Variants in ASMTL observed in about 807,000 individuals in gnomAD.
The protein encoded by ASMTL is acetylserotonin O-methyltransferase like.
In ASMTL, 57 loss-of-function variants were observed where a neutral mutation model predicts 60.3. The observed-to-expected ratio is 0.95, with a 90% confidence interval of 0.76 to 1.18. The LOEUF (loss-of-function observed/expected upper bound fraction) is 1.18, where lower values mean the gene tolerates loss of function less well. Among genes scored for constraint, ASMTL ranks in the 50% most tolerant of loss-of-function variants. The pLI is 0.00. For missense variants in ASMTL, 981 were observed against 852.6 expected, an observed-to-expected ratio of 1.15 and a Z score of -1.88; for synonymous variants, 419 against 373.0, an observed-to-expected ratio of 1.12 and a Z score of -1.42.
chrX:1,419,047 A>G lies in ASMTL; in HGVS notation c.1313T>C (p.Leu438Pro). Residue 438 changes from leucine to proline, a missense_variant, in exon 10 of 13, where the codon CTG (leucine) becomes CCG (proline). Physicochemically the swap from Leu to Pro is moderately conservative, Grantham distance 98. Transcript: ENST00000381317. ...FMRAMHGMTK[L>P]TACQVATAFN... ...GGCCGTGGCCACCTGGCACGCAGTCAGCTTCGTCATGCCGTGCATGGCCCG... is the reference window on the plus strand; with the variant it reads ...GGCCGTGGCCACCTGGCACGCAGTCGGCTTCGTCATGCCGTGCATGGCCCG... The G allele has an allele frequency of 1.2e-6, 2 of 1,611,600 alleles. No homozygotes were observed. Among genetic ancestry groups the G allele is most frequent in the African/African-American group, 2.7e-5 (2 of 75,004 alleles).
chrX:1,423,125 T>C (rs2090523953), intron 8 of ASMTL, among the ~76,000 whole-genome samples: 1 of 152,102 alleles, frequency 6.6e-6, no homozygotes, highest in African/African-American at 2.4e-5. Context: ...GCTAATTTTT[T>C]GTATTTTTAG....
rs1224240284 is a variant in ASMTL, at chrX:1,443,368, C to CGCCGCCATCGTGG, written c.94-1052_94-1051insCCACGATGGCGGC. Among the ~76,000 whole-genome samples the CGCCGCCATCGTGG allele has an allele frequency of 3.6e-3, 160 of 44,428 alleles. 29 individuals carry two copies. The highest frequency in any genetic ancestry group is 6.7e-3 in the African/African-American group (149 of 22,096). 29.1% of individuals were successfully genotyped at this position (44,428 alleles called of 152,430 possible). A position where few individuals can be genotyped will look rare whatever the true frequency, so the allele number is the denominator to read the frequency against. On this transcript the variant is annotated intron_variant, in intron 1 of 12. Coordinates refer to ENST00000381317, the MANE Select transcript of ASMTL (RefSeq NM_004192.4). ...GACAGACACCGCCATCTTGGACACA[C>CGCCGCCATCGTGG]ACCACCATCATGGACACACGCCGCC...
In ASMTL at chrX:1,404,226, G is replaced by A. The variant is rs749524205; in HGVS notation, c.1646-737C>T. On this transcript the variant is annotated intron_variant, in intron 12 of 12. Transcript: ENST00000381317. ...ATGGATGGGTGAATAGATGGTAGAT[G>A]ATGGGTAGGTAGGTAGATGAATGGA... is the stretch of plus-strand genomic sequence containing the variant. Among the ~76,000 whole-genome samples the A allele has an allele frequency of 1.3e-5, 2 of 149,648 alleles. 1 individual carries two copies. The highest frequency in any genetic ancestry group is 5.0e-5 in the African/African-American group (2 of 40,240).
At position 1,417,971 on chromosome X, in the gene ASMTL, A is replaced by G; in HGVS notation, c.1522+2T>C. The G allele has an allele frequency of 6.2e-7, 1 of 1,605,992 alleles. No homozygotes were observed. Among genetic ancestry groups the G allele is most frequent in the Non-Finnish European group, 8.5e-7 (1 of 1,174,656 alleles). On this transcript the variant is annotated splice_donor_variant, in intron 11 of 12. Transcript: ENST00000381317. LOFTEE classifies it high-confidence loss of function. ...AGCAGGGTGAACAGGAGGAGGGCTC[A>G]CCTGCTGCGAAGTGGATCTGCACTG...
rs375142477 is a variant in ASMTL, at chrX:1,427,812, C to T, written c.819G>A (p.Glu273=). 4.3e-6 allele frequency: 7 copies of T among 1,612,846 alleles called. No homozygotes were observed. Among genetic ancestry groups the T allele is most frequent in the South Asian group, 2.2e-5 (2 of 91,044 alleles). Residue 273 remains glutamate (E), a synonymous_variant, in exon 7 of 13, where the codon GAG becomes GAA. Transcript: ENST00000381317. The part of the protein sequence containing the change: ...GEAGQATAEA[E]CHRTRETLPP... ...GCAGGGTCTCCCGAGTCCTGTGACA[C>T]TCAGCCTCTGCCGTGGCCTGTCCCG...
At position 1,403,469 on chromosome X, in the gene ASMTL, C is replaced by T; in HGVS notation, c.1666G>A (p.Glu556Lys). 1 of 1,613,018 alleles carries T rather than the reference C, an allele frequency of 6.2e-7. No individual in the cohort carries two copies. Among genetic ancestry groups the T allele is most frequent in the Non-Finnish European group, 8.5e-7 (1 of 1,179,846 alleles). ...CTCTTCTCCTCATCCAGGAGCGTCT[C>T]CACCAGCAGCAGGCCGGCCCCTGAG... ...CKPGAGLLLV[E>K]TLLDEEKRVA... Residue 556 changes from glutamate (E) to lysine (K), a missense_variant, in exon 13 of 13, where the codon GAG becomes AAG. Transcript: ENST00000381317.
At chrX:1,410,643 A>C (rs751839262) in intron 12 of ASMTL, among the ~76,000 whole-genome samples, 37 of 151,926 alleles carry the variant, frequency 2.4e-4, no homozygotes, top group African/African-American at 8.7e-4. Context: ...CGAACTCCTG[A>C]CCTCGAGATC....
At chrX:1,430,510 C>G (rs1166359862) in intron 6 of ASMTL, among the ~76,000 whole-genome samples, 1 of 152,048 alleles carries the variant, frequency 6.6e-6, no homozygotes, top group African/African-American at 2.4e-5. Flanking sequence ...TGGTGCGTGT[C>G]CTGTGGTCCC....
Position 1,416,893 on chromosome X carries a change from A to G in ASMTL, c.1522+1080T>C, listed in dbSNP as rs750462422. ...TATCCACAGACACGCAGACACACATACCCTCAGAGACATACACACCACAGA... is the reference window on the plus strand; with the variant it reads ...TATCCACAGACACGCAGACACACATGCCCTCAGAGACATACACACCACAGA... On this transcript the variant is annotated intron_variant, in intron 11 of 12. Coordinates refer to ENST00000381317, the MANE Select transcript of ASMTL (RefSeq NM_004192.4). Among the ~76,000 whole-genome samples the G allele has an allele frequency of 2.0e-5, 3 of 151,058 alleles. No individual in the cohort carries two copies. In the South Asian group the frequency reaches 6.3e-4, roughly 32 times the overall value.
At chrX:1,435,808 C>A in intron 3 of ASMTL, 50 bp from the exon 4 acceptor site, 2 of 1,508,026 alleles carry the variant, frequency 1.3e-6, no homozygotes, top group Non-Finnish European at 1.8e-6. Context: ...CTGGGTCAGG[C>A]CTGTGCAAGT....
At chrX:1,453,428 G>A (rs2091445677), upstream of ASMTL, among the ~76,000 whole-genome samples, 1 of 151,400 alleles carries the variant, frequency 6.6e-6, no homozygotes, top group Non-Finnish European at 1.5e-5. Context: ...CCCGCCCCCG[G>A]CGCTCGCCCC....
In ASMTL at chrX:1,418,514, C is replaced by T. The variant is rs755085724; in HGVS notation, c.1379-398G>A. ...CCTTCCTGCCATGGGGATGCAGACA[C>T]GATGGCTGGTGCTACAGCAGCCACT... On this transcript the variant is annotated intron_variant, in intron 10 of 12. Coordinates refer to ENST00000381317, the MANE Select transcript of ASMTL (RefSeq NM_004192.4). Among the ~76,000 whole-genome samples, 92 of 152,082 alleles carry T rather than the reference C, an allele frequency of 6.0e-4. 1 individual carries two copies. In the South Asian group the frequency reaches 0.019, roughly 31 times the overall value.
chrX:1,439,149 A>C lies in ASMTL; in HGVS notation c.226-5T>G, dbSNP rs765037426. On this transcript the variant is annotated splice_polypyrimidine_tract_variant and splice_region_variant and intron_variant, in intron 2 of 12. Coordinates refer to ENST00000381317, the MANE Select transcript of ASMTL (RefSeq NM_004192.4). Reference sequence around the variant, plus strand: ...GTCGGGGGCCCGCAGGTCTTTCTGTAAGAAAACCAGATTCCGGTTTACCGG... The same window carrying C: ...GTCGGGGGCCCGCAGGTCTTTCTGTCAGAAAACCAGATTCCGGTTTACCGG... 1 of 1,613,894 alleles carries C rather than the reference A, an allele frequency of 6.2e-7. No individual in the cohort carries two copies. Among genetic ancestry groups the C allele is most frequent in the African/African-American group, 1.3e-5 (1 of 74,956 alleles).
At position 1,431,251 on chromosome X, in the gene ASMTL, A is replaced by AAATTATATATATAATTAT. The variant is rs1356694427; in HGVS notation, c.509+1017_509+1018insATAATTATATATATAATT. ...ATAAATTATATTTATATATAATTATAAATATATGTAATTATATATTTATAT... is the reference window on the plus strand; with the variant it reads ...ATAAATTATATTTATATATAATTATAAATTATATATATAATTATAATATATGTAATTATATATTTATAT... On this transcript the variant is annotated intron_variant, in intron 6 of 12. Transcript: ENST00000381317. Among the ~76,000 whole-genome samples, 546 of 128,038 alleles carry AAATTATATATATAATTAT rather than the reference A, an allele frequency of 4.3e-3. 6 individuals are homozygous for AAATTATATATATAATTAT. Among genetic ancestry groups the AAATTATATATATAATTAT allele is most frequent in the African/African-American group, 0.015 (514 of 33,788 alleles). 84.0% of individuals were successfully genotyped at this position (128,038 alleles called of 152,430 possible).
intron 11 of ASMTL, among the ~76,000 whole-genome samples, chrX:1,413,282 A>C (rs1412585027): frequency 1.3e-5 from 2 of 152,200 alleles, no homozygotes; most frequent in Non-Finnish European, 2.9e-5. Context: ...GAATCGCTTG[A>C]ACCTGGGAGG....
chrX:1,418,503 G>C (rs1451179396), intron 10 of ASMTL, among the ~76,000 whole-genome samples: 1 of 152,064 alleles, frequency 6.6e-6, no homozygotes, highest in Non-Finnish European at 1.5e-5. Context: ...CCTGCCATGG[G>C]GATGCAGACA....
intron 6 of ASMTL, among the ~76,000 whole-genome samples, chrX:1,429,237 C>G (rs1257787195): frequency 7.3e-5 from 11 of 150,882 alleles, no homozygotes; most frequent in Middle Eastern, 3.2e-3. Flanking sequence ...TTTTTCAAGA[C>G]AGGGTCTCAC....
At chrX:1,449,881 C>CTA (rs1340385414) in intron 1 of ASMTL, among the ~76,000 whole-genome samples, 1 of 139,408 alleles carries the variant, frequency 7.2e-6, no homozygotes, top group Admixed American at 7.5e-5. Context: ...TCACCAATAA[C>CTA]TATGCCCCAT....
rs765602334 is a variant in ASMTL at position 1,407,146 on chromosome X, G to C, written c.1646-3657C>G. 6.0e-5 allele frequency among the ~76,000 whole-genome samples: 9 copies of C among 149,634 alleles called. No individual in the cohort carries two copies. In the South Asian group the frequency reaches 1.1e-3, roughly 18 times the overall value. On this transcript the variant is annotated intron_variant, in intron 12 of 12. Coordinates refer to ENST00000381317, the MANE Select transcript of ASMTL (RefSeq NM_004192.4). ...ATGGATGGGTGAACTGATGGTAGAT[G>C]ATGGGTAGGTAGATAGATGAATGGA... is the stretch of plus-strand genomic sequence containing the variant.
Sources: gnomAD v4.1 joint callset for allele counts (sites outside exome capture counted in the v4.1 genomes callset) on GRCh38, gnomAD v4.1.1 for gene constraint, MANE v1.5 for transcripts, NCBI Gene and HGNC (gene_info 2026-07-23, HGNC 2026-07-21) for gene names.